The following ADGRL3 variants were observed in gnomAD, a reference collection of about 807,000 sequenced individuals.
ADGRL3 encodes calcium-independent alpha-latrotoxin receptor 3.
ADGRL3 carries 62 observed loss-of-function variants against 153.5 expected under a neutral mutation model. That is an observed-to-expected ratio of 0.40 (90% CI 0.33 to 0.50). The LOEUF (loss-of-function observed/expected upper bound fraction) is 0.50. Ranked by LOEUF, ADGRL3 falls within the 20% of genes least tolerant of loss-of-function variation. The pLI is 0.47. For synonymous variants in ADGRL3, 710 were observed against 672.5 expected (o/e 1.06, Z -0.86); for missense variants, 1,641 against 1,859.4 (o/e 0.88, Z 2.16).
At position 61,630,587 on chromosome 4, in the gene ADGRL3, T is replaced by A. The variant is rs139753791; in HGVS notation, c.473+43147T>A. On this transcript the variant is annotated intron_variant, in intron 5 of 26. Transcript: ENST00000683033. ...TTTTTCACTCTTATTTTTGTCATTGTTAAATGATTCTTACTGCTGAAGTGT... is the reference window on the plus strand; with the variant it reads ...TTTTTCACTCTTATTTTTGTCATTGATAAATGATTCTTACTGCTGAAGTGT... Among the ~76,000 whole-genome samples the A allele has an allele frequency of 9.2e-3, 1,408 of 152,326 alleles. 10 individuals are homozygous for A. The highest frequency in any genetic ancestry group is 0.017 in the Middle Eastern group (5 of 294).
intron 6 of ADGRL3, among the ~76,000 whole-genome samples, chr4:61,724,828 GAAGAGAATTATCTGTT>G (rs2096298797): frequency 6.6e-6 from 1 of 152,134 alleles, no homozygotes; most frequent in Non-Finnish European, 1.5e-5. Flanking sequence ...TGAAATGGAA[GAAGAGAATTATCTGTT>G]TTGGAATAAT....
intron 6 of ADGRL3, among the ~76,000 whole-genome samples, chr4:61,704,308 A>G (rs2095819549): frequency 6.6e-6 from 1 of 152,212 alleles, no homozygotes; most frequent in Admixed American, 6.5e-5. Flanking sequence ...TCACTGCAAT[A>G]AAACAAATCT....
intron 23 of ADGRL3, among the ~76,000 whole-genome samples, chr4:62,034,007 A>G (rs1233963141): frequency 6.6e-6 from 1 of 151,808 alleles, no homozygotes; most frequent in Non-Finnish European, 1.5e-5. Flanking sequence ...TAACATAAGC[A>G]TATCACTGGA....
intron 5 of ADGRL3, among the ~76,000 whole-genome samples, chr4:61,614,700 G>A (rs1231155551): frequency 6.6e-6 from 1 of 152,148 alleles, no homozygotes; most frequent in African/African-American, 2.4e-5. Context: ...CATAAAATAA[G>A]TCTTTCCTGA....
chr4:61,969,471 A>T (rs2099018918), intron 17 of ADGRL3, among the ~76,000 whole-genome samples: 1 of 152,000 alleles, frequency 6.6e-6, no homozygotes, highest in South Asian at 2.1e-4. Flanking sequence ...ATCTAGATCC[A>T]TGGATCGTTC....
intron 1 of ADGRL3, among the ~76,000 whole-genome samples, chr4:61,328,681 A>G (rs2095511699): frequency 6.6e-6 from 1 of 152,204 alleles, no homozygotes. Context: ...AGATAAAACT[A>G]TATTTGCATA....
At position 61,499,394 on chromosome 4, in the gene ADGRL3, G is replaced by A. The variant is rs189964797; in HGVS notation, c.55+2046G>A. ...TTATACATTCACATTCTCTGCATGG[G>A]CACATATAACATTTTGTGATGTGGG... On this transcript the variant is annotated intron_variant, in intron 3 of 26. Coordinates refer to ENST00000683033, the MANE Select transcript of ADGRL3 (RefSeq NM_001387552.1). Among the ~76,000 whole-genome samples, 820 of 152,104 alleles carry A rather than the reference G, an allele frequency of 5.4e-3. 9 individuals carry two copies. The highest frequency in any genetic ancestry group is 0.018 in the African/African-American group (767 of 41,512).
chr4:61,626,571 A>T (rs1335196720), intron 5 of ADGRL3, among the ~76,000 whole-genome samples: 2 of 152,104 alleles, frequency 1.3e-5, no homozygotes, highest in Non-Finnish European at 2.9e-5. Context: ...CTTTAAGCCC[A>T]AGGATATGTT....
intron 1 of ADGRL3, among the ~76,000 whole-genome samples, chr4:61,366,638 ATTTTAT>A (rs2096403286): frequency 6.6e-6 from 1 of 152,136 alleles, no homozygotes; most frequent in Non-Finnish European, 1.5e-5. Context: ...AGAGACAGAT[ATTTTAT>A]TTTTATTTGC....
intron 2 of ADGRL3, among the ~76,000 whole-genome samples, chr4:61,461,956 T>C (rs2097824933): frequency 6.6e-6 from 1 of 152,202 alleles, no homozygotes; most frequent in Non-Finnish European, 1.5e-5. Context: ...AATTACAAAA[T>C]TCAAACAAAA....
At chr4:61,387,009 C>G (rs575441797) in intron 2 of ADGRL3, among the ~76,000 whole-genome samples, 116 of 152,184 alleles carry the variant, frequency 7.6e-4, no homozygotes, top group Non-Finnish European at 1.3e-3. Flanking sequence ...GGGACCTGCC[C>G]CAATAATCAC....
intron 5 of ADGRL3, among the ~76,000 whole-genome samples, chr4:61,636,663 A>G (rs991302424): frequency 5.3e-5 from 8 of 151,942 alleles, no homozygotes; most frequent in Non-Finnish European, 1.0e-4. Flanking sequence ...TTTGAGTTGA[A>G]GAACATTTCA....
rs901093965 is a variant in ADGRL3 at position 61,396,414 on chromosome 4, T to TA, written c.-174+13235dup. 1.9e-3 allele frequency among the ~76,000 whole-genome samples: 290 copies of TA among 149,314 alleles called. 2 individuals are homozygous for TA. The highest frequency in any genetic ancestry group is 6.6e-3 in the African/African-American group (271 of 40,924). ...CATAAATCAGACCAAATTGAGTATTTAAAAAAAAAACTTTTATAGGAATAT... is the reference window on the plus strand; with the variant it reads ...CATAAATCAGACCAAATTGAGTATTTAAAAAAAAAAACTTTTATAGGAATAT... On this transcript the variant is annotated intron_variant, in intron 2 of 26. Transcript: ENST00000683033.
At chr4:61,333,411 A>G (rs544428348) in intron 1 of ADGRL3, among the ~76,000 whole-genome samples, 30 of 152,244 alleles carry the variant, frequency 2.0e-4, no homozygotes, top group Non-Finnish European at 3.5e-4. Context: ...CAGTAATGTA[A>G]TATCCTGGGA....
At chr4:61,753,650 C>G (rs2096784414) in intron 8 of ADGRL3, among the ~76,000 whole-genome samples, 2 of 152,058 alleles carry the variant, frequency 1.3e-5, no homozygotes, top group African/African-American at 4.8e-5. Context: ...AGAGACATAA[C>G]AAAGTTTCAA....
chr4:61,711,248 G>A (rs1289959089), intron 6 of ADGRL3, among the ~76,000 whole-genome samples: 6 of 151,752 alleles, frequency 4.0e-5, no homozygotes, highest in African/African-American at 1.4e-4. Context: ...TGACCAAATT[G>A]TATTTGCCTA....
chr4:61,737,065 C>T (rs1035582883), intron 8 of ADGRL3, among the ~76,000 whole-genome samples: 2 of 151,158 alleles, frequency 1.3e-5, no homozygotes, highest in Admixed American at 6.6e-5. Context: ...TAGTAAATTA[C>T]ATTGACTTTT....
chr4:61,978,951 C>A (rs2099057809), intron 17 of ADGRL3, among the ~76,000 whole-genome samples: 1 of 152,108 alleles, frequency 6.6e-6, no homozygotes, highest in Admixed American at 6.6e-5. Flanking sequence ...CAATGAATAT[C>A]CTAATTCTTT....
At chr4:61,727,050 CTGA>C (rs1307172430) in intron 6 of ADGRL3, among the ~76,000 whole-genome samples, 3 of 152,138 alleles carry the variant, frequency 2.0e-5, no homozygotes, top group Admixed American at 6.6e-5. Context: ...CCTATGCTCT[CTGA>C]TCCATACCTT....
Sources: gnomAD v4.1 joint callset for allele counts (sites outside exome capture counted in the v4.1 genomes callset) on GRCh38, gnomAD v4.1.1 for gene constraint, MANE v1.5 for transcripts, NCBI Gene and HGNC (gene_info 2026-07-23, HGNC 2026-07-21) for gene names.